The following CNTNAP2 variants were observed in gnomAD, a reference collection of about 807,000 sequenced individuals.
The protein encoded by CNTNAP2 is contactin associated protein 2.
In CNTNAP2, 98 loss-of-function variants were observed where a neutral mutation model predicts 155.2. The observed-to-expected ratio is 0.63, with a 90% confidence interval of 0.54 to 0.75. CNTNAP2 has a LOEUF of 0.75. CNTNAP2 is among the 30% of genes least tolerant of loss of function. The pLI is 0.00. For synonymous variants in CNTNAP2, 651 were observed against 631.2 expected, an observed-to-expected ratio of 1.03 and a Z score of -0.47; for missense variants, 1,727 against 1,688.1, an observed-to-expected ratio of 1.02 and a Z score of -0.40.
chr7:147,576,587 G>A (rs1348897085), intron 12 of CNTNAP2, among the ~76,000 whole-genome samples: 1 of 151,988 alleles, frequency 6.6e-6, no homozygotes, highest in Non-Finnish European at 1.5e-5. Context: ...TCAGGCCTCA[G>A]TCAGCATTAT....
In CNTNAP2 at chr7:147,851,766, G is replaced by A. The variant is rs187386660; in HGVS notation, c.2099-51799G>A. On this transcript the variant is annotated intron_variant, in intron 13 of 23. Transcript: ENST00000361727. ...CACACACCAAGGCCTGTCGTGGGGT[G>A]GGGGGAGGGGGGAAGGATAGCATTA... Among the ~76,000 whole-genome samples, 65 of 128,988 alleles carry A rather than the reference G, an allele frequency of 5.0e-4. 1 individual carries two copies. In the South Asian group the frequency reaches 0.017, roughly 33 times the overall value. 84.6% of individuals were successfully genotyped at this position (128,988 alleles called of 152,430 possible). A position where few individuals can be genotyped will look rare whatever the true frequency, so the allele number is the denominator to read the frequency against.
intron 1 of CNTNAP2, among the ~76,000 whole-genome samples, chr7:146,543,669 C>G (rs960740397): frequency 7.2e-5 from 11 of 151,920 alleles, no homozygotes; most frequent in African/African-American, 2.4e-4. Context: ...TAGTTGTGAA[C>G]AAATTCATTG....
At position 148,273,764 on chromosome 7, in the gene CNTNAP2, T is replaced by C. The variant is rs141183274; in HGVS notation, c.3475+6638T>C. Among the ~76,000 whole-genome samples, 82 of 152,290 alleles carry C rather than the reference T, an allele frequency of 5.4e-4. No homozygotes were observed. The East Asian group carries it at 0.016, about 29-fold the overall frequency. On this transcript the variant is annotated intron_variant, in intron 21 of 23. Coordinates refer to ENST00000361727, the MANE Select transcript of CNTNAP2 (RefSeq NM_014141.6). Reference sequence around the variant, plus strand: ...TGAACTAACTAGAGTTTGTAAGTCATATTGGTCTCAGATCCTCATATTTCC... The same window carrying C: ...TGAACTAACTAGAGTTTGTAAGTCACATTGGTCTCAGATCCTCATATTTCC...
chr7:146,716,405 T>C (rs344470), intron 1 of CNTNAP2, among the ~76,000 whole-genome samples: 44,266 of 151,914 alleles, frequency 0.29, 12,215 homozygotes, highest in African/African-American at 0.73. Flanking sequence ...CTTGAGACCC[T>C]AAAACAGTAT....
Position 147,044,003 on chromosome 7 carries a change from A to T in CNTNAP2, c.499A>T (p.Asn167Tyr). 1 of 1,614,204 alleles carries T rather than the reference A, an allele frequency of 6.2e-7. No homozygotes were observed. Among genetic ancestry groups the T allele is most frequent in the Non-Finnish European group, 8.5e-7 (1 of 1,180,014 alleles). ...TGTGCGCATAGTGCCTCTGGATTGGAATGGAGAAGGTCGCATTGGACTCAG... is the reference window on the plus strand; with the variant it reads ...TGTGCGCATAGTGCCTCTGGATTGGTATGGAGAAGGTCGCATTGGACTCAG... ...RYVRIVPLDW[N>Y]GEGRIGLRIE... Residue 167 changes from asparagine (N) to tyrosine (Y), a missense_variant, in exon 4 of 24, where the codon AAT becomes TAT. Physicochemically the swap from Asn to Tyr is moderately radical, Grantham distance 143. Coordinates refer to ENST00000361727, the MANE Select transcript of CNTNAP2 (RefSeq NM_014141.6).
intron 1 of CNTNAP2, among the ~76,000 whole-genome samples, chr7:146,567,492 T>C (rs932189331): frequency 6.6e-6 from 1 of 152,180 alleles, no homozygotes; most frequent in Admixed American, 6.5e-5. Flanking sequence ...CCTATCTTCA[T>C]TGCATTTGAT....
intron 13 of CNTNAP2, among the ~76,000 whole-genome samples, chr7:147,868,458 C>T (rs777296316): frequency 2.1e-4 from 32 of 152,310 alleles, no homozygotes; most frequent in Non-Finnish European, 3.1e-4. Context: ...TCTGTCCATT[C>T]TCAGAGCTCA....
At chr7:146,814,529 G>C (rs999864338) in intron 2 of CNTNAP2, among the ~76,000 whole-genome samples, 1 of 152,124 alleles carries the variant, frequency 6.6e-6, no homozygotes, top group Non-Finnish European at 1.5e-5. Context: ...GCAAACTATA[G>C]ACCAAATGTT....
chr7:148,125,247 T>C (rs1172779941), intron 16 of CNTNAP2, among the ~76,000 whole-genome samples: 3 of 152,186 alleles, frequency 2.0e-5, no homozygotes, highest in East Asian at 1.9e-4. Context: ...TCTCTTTCTC[T>C]CTCTCTCCCT....
chr7:148,126,795 G>T (rs1397484344), intron 16 of CNTNAP2, among the ~76,000 whole-genome samples: 1 of 152,166 alleles, frequency 6.6e-6, no homozygotes, highest in Non-Finnish European at 1.5e-5. Flanking sequence ...TGAAGACTCT[G>T]GAGCCATAGA....
chr7:147,738,789 G>A (rs1034821254), intron 13 of CNTNAP2, among the ~76,000 whole-genome samples: 3 of 151,580 alleles, frequency 2.0e-5, no homozygotes, highest in Admixed American at 6.6e-5. Context: ...TGAGTAGCTG[G>A]GATTACAGGC....
chr7:147,665,390 G>A (rs779255049), intron 13 of CNTNAP2, among the ~76,000 whole-genome samples: 3 of 152,118 alleles, frequency 2.0e-5, no homozygotes, highest in Non-Finnish European at 4.4e-5. Flanking sequence ...TTCTAGTTTG[G>A]AAGAAATTCA....
At chr7:146,261,147 G>A (rs777070255) in intron 1 of CNTNAP2, among the ~76,000 whole-genome samples, 42 of 152,048 alleles carry the variant, frequency 2.8e-4, no homozygotes, top group Non-Finnish European at 5.3e-4. Context: ...ATGATTGTAA[G>A]TTTCCTGAGG....
intron 14 of CNTNAP2, among the ~76,000 whole-genome samples, chr7:147,976,174 G>A (rs1275445035): frequency 2.6e-5 from 4 of 152,096 alleles, no homozygotes; most frequent in African/African-American, 9.7e-5. Flanking sequence ...GAAGTGATGG[G>A]CAGAATTTGG....
intron 1 of CNTNAP2, among the ~76,000 whole-genome samples, chr7:146,171,984 G>T (rs1457139170): frequency 3.0e-5 from 4 of 135,534 alleles, no homozygotes; most frequent in African/African-American, 1.1e-4. Context: ...TGACAAATTT[G>T]CTTTGTACCT....
At chr7:147,634,563 C>A (rs767624481) in intron 12 of CNTNAP2, among the ~76,000 whole-genome samples, 3 of 151,710 alleles carry the variant, frequency 2.0e-5, no homozygotes, top group Non-Finnish European at 4.4e-5. Flanking sequence ...TTTATGTAAC[C>A]AAAAACCACC....
chr7:146,515,589 T>C (rs1391396374), intron 1 of CNTNAP2, among the ~76,000 whole-genome samples: 1 of 152,104 alleles, frequency 6.6e-6, no homozygotes, highest in Non-Finnish European at 1.5e-5. Context: ...CACCCACTTT[T>C]GTTGCTCTTC....
At position 147,726,531 on chromosome 7, in the gene CNTNAP2, G is replaced by A. The variant is rs1382539699; in HGVS notation, c.2098+87225G>A. ...TATGTTAAGGGCAGGGGGAAGAGAA[G>A]GGGAATCTAGATCAAGAGCTGACCA... On this transcript the variant is annotated intron_variant, in intron 13 of 23. Transcript: ENST00000361727. 2.0e-5 allele frequency among the ~76,000 whole-genome samples: 3 copies of A among 152,114 alleles called. No homozygotes were observed. The East Asian group carries it at 5.8e-4, about 30-fold the overall frequency.
intron 4 of CNTNAP2, among the ~76,000 whole-genome samples, chr7:147,098,506 G>A (rs1230469039): frequency 6.6e-6 from 1 of 151,954 alleles, no homozygotes; most frequent in South Asian, 2.1e-4. Flanking sequence ...ACAATGTTAT[G>A]GATGTAGAAG....
Sources: allele counts gnomAD v4.1 joint callset (sites outside exome capture counted in the v4.1 genomes callset), GRCh38; gene constraint gnomAD v4.1.1; transcripts MANE v1.5; gene names NCBI Gene and HGNC (gene_info 2026-07-23, HGNC 2026-07-21).